Variants in RUFY1 observed in about 807,000 individuals in gnomAD.
The protein encoded by RUFY1 is RUN and FYVE domain containing 1.
Under a neutral mutation model 94.6 loss-of-function variants are expected in RUFY1, and 54 were observed. The observed-to-expected ratio is 0.57, with a 90% CI of 0.46 to 0.72. The LOEUF (loss-of-function observed/expected upper bound fraction) is 0.72, where lower values mean the gene tolerates loss of function less well. Ranked by LOEUF, RUFY1 falls within the 30% of genes least tolerant of loss-of-function variation. The pLI is 0.00. For missense variants in RUFY1, 883 were observed against 883.9 expected (o/e 1.00, Z 0.01); for synonymous variants, 396 against 347.3 (o/e 1.14, Z -1.56).
chr5:179,604,084 G>A (rs1366888546), intron 15 of RUFY1, among the ~76,000 whole-genome samples: 2 of 152,128 alleles, frequency 1.3e-5, no homozygotes, highest in Non-Finnish European at 2.9e-5. Context: ...ATGTATTGTT[G>A]CACTTTGTGG....
intron 15 of RUFY1, among the ~76,000 whole-genome samples, chr5:179,604,169 G>A (rs988868785): frequency 2.0e-5 from 3 of 152,204 alleles, no homozygotes; most frequent in Non-Finnish European, 2.9e-5. Flanking sequence ...CTCCCAGTGA[G>A]TGCTGTGGGT....
At chr5:179,608,960 G>T (rs1378461783) in intron 17 of RUFY1, among the ~76,000 whole-genome samples, 1 of 147,140 alleles carries the variant, frequency 6.8e-6, no homozygotes, top group Non-Finnish European at 1.5e-5. Flanking sequence ...TTTCACGCCT[G>T]TAATCCCAAC....
intron 3 of RUFY1, among the ~76,000 whole-genome samples, chr5:179,565,968 C>G (rs898534471): frequency 3.3e-5 from 5 of 151,918 alleles, no homozygotes; most frequent in African/African-American, 1.2e-4. Context: ...GTGGCAAAAC[C>G]CCATCTCTAC....
At chr5:179,555,697 G>C (rs1210954429) in intron 1 of RUFY1, 1 of 398,214 alleles carries the variant, frequency 2.5e-6, no homozygotes, top group South Asian at 1.7e-5. Flanking sequence ...GCGTGATCTC[G>C]GGTCACGGCA....
chr5:179,597,782 C>T (rs1352038934), intron 13 of RUFY1, among the ~76,000 whole-genome samples: 1 of 152,236 alleles, frequency 6.6e-6, no homozygotes, highest in African/African-American at 2.4e-5. Context: ...GGCGGTCCAG[C>T]AGTGCCCCCA....
intron 3 of RUFY1, 165 bp downstream of exon 3, chr5:179,562,829 C>T: frequency 1.8e-6 from 1 of 564,252 alleles, no homozygotes; most frequent in Non-Finnish European, 3.2e-6. Flanking sequence ...GCCTCAGTTT[C>T]CTTTTCTTTA....
chr5:179,591,736 C>T lies in RUFY1; in HGVS notation c.1240C>T (p.Arg414Trp), dbSNP rs781321513. 11 of 1,593,374 alleles carry T rather than the reference C, an allele frequency of 6.9e-6. No individual in the cohort carries two copies. Among genetic ancestry groups the T allele is most frequent in the South Asian group, 1.1e-5 (1 of 89,206 alleles). The part of the protein sequence containing the change: ...WKQLKEEKKV[R>W]LELEKELELQ... ...GCAGCTAAAAGAGGAGAAGAAAGTC[C>T]GGTTGGTGAGTGTGCAAGACCGAGT... The change falls in exon 10 of 18, where the codon CGG becomes TGG. Residue 414 changes from arginine (R) to tryptophan (W), a missense_variant. By Grantham distance (101) the Arg-to-Trp change is moderately radical. Coordinates refer to ENST00000319449, the MANE Select transcript of RUFY1 (RefSeq NM_025158.5).
intron 6 of RUFY1, among the ~76,000 whole-genome samples, chr5:179,578,177 T>G (rs1468056852): frequency 1.3e-5 from 2 of 152,148 alleles, no homozygotes; most frequent in Non-Finnish European, 2.9e-5. Flanking sequence ...CCCTTGGACT[T>G]GTTCTGTAAT....
At chr5:179,572,132 C>G (rs1354171322) in intron 5 of RUFY1, 1 of 258,302 alleles carries the variant, frequency 3.9e-6, no homozygotes, top group Non-Finnish European at 7.7e-6. Flanking sequence ...GTCTGTCCAG[C>G]CTTTACCGCC....
At chr5:179,587,801 G>T (rs1300812206) in intron 8 of RUFY1, among the ~76,000 whole-genome samples, 4 of 151,826 alleles carry the variant, frequency 2.6e-5, no homozygotes, top group Non-Finnish European at 5.9e-5. Context: ...GGAGGCCAAG[G>T]TGGAAGACTT....
chr5:179,594,305 A>G (rs79900914), intron 11 of RUFY1, among the ~76,000 whole-genome samples: 14,865 of 107,282 alleles, frequency 0.14, 766 homozygotes, highest in Middle Eastern at 0.19. Flanking sequence ...AACTCGGGGG[A>G]AAAAAAAAAA....
chr5:179,554,716 C>G (rs1331929577), intron 1 of RUFY1, among the ~76,000 whole-genome samples: 1 of 151,820 alleles, frequency 6.6e-6, no homozygotes, highest in Admixed American at 6.6e-5. Flanking sequence ...GCCTGTAATC[C>G]CAGCACTTTG....
intron 3 of RUFY1, among the ~76,000 whole-genome samples, chr5:179,564,067 C>T (rs953652407): frequency 2.0e-5 from 3 of 151,558 alleles, no homozygotes; most frequent in African/African-American, 4.8e-5. Flanking sequence ...CTGTCCAGCT[C>T]ACTCACTCCC....
intron 5 of RUFY1, among the ~76,000 whole-genome samples, chr5:179,571,516 A>C (rs542539967): frequency 0.012 from 1,804 of 152,096 alleles, 29 homozygotes; most frequent in African/African-American, 0.041. Context: ...AAAAAAAAAA[A>C]AAAACACCAA....
chr5:179,593,033 CTT>C (rs1184811190), intron 10 of RUFY1, among the ~76,000 whole-genome samples: 1 of 152,146 alleles, frequency 6.6e-6, no homozygotes, highest in East Asian at 1.9e-4. Flanking sequence ...CAGACAGACT[CTT>C]TTCAATCTCC....
chr5:179,591,410 G>T (rs546158209), intron 9 of RUFY1, among the ~76,000 whole-genome samples: 266 of 148,894 alleles, frequency 1.8e-3, no homozygotes, highest in Middle Eastern at 3.8e-3. Flanking sequence ...GGTCTCGATC[G>T]CCTGACCTCG....
At position 179,562,544 on chromosome 5, in the gene RUFY1, T is replaced by C. The variant is rs1457237498; in HGVS notation, c.485-3T>C. 1.9e-6 allele frequency: 3 copies of C among 1,567,202 alleles called. No homozygotes were observed. On this transcript the variant is annotated splice_region_variant and splice_polypyrimidine_tract_variant and intron_variant, in intron 2 of 17. Coordinates refer to ENST00000319449, the MANE Select transcript of RUFY1 (RefSeq NM_025158.5). ...TGAATAACACTTTTGTTTTTCCTTT[T>C]AGTTAAGAAGAGTTTTATTGGCCAA...
chr5:179,565,884 A>G (rs1049146775), intron 3 of RUFY1, among the ~76,000 whole-genome samples: 2 of 152,148 alleles, frequency 1.3e-5, no homozygotes, highest in South Asian at 2.1e-4. Context: ...GCTCACGCCT[A>G]TAATCCCAAC....
intron 3 of RUFY1, among the ~76,000 whole-genome samples, chr5:179,566,912 G>A (rs1762871551): frequency 1.3e-5 from 2 of 151,966 alleles, no homozygotes; most frequent in African/African-American, 2.4e-5. Context: ...AAATTAGCCA[G>A]GTGTGGTGAT....
Sources: allele counts gnomAD v4.1 joint callset (sites outside exome capture counted in the v4.1 genomes callset), GRCh38; gene constraint gnomAD v4.1.1; transcripts MANE v1.5; gene names NCBI Gene and HGNC (gene_info 2026-07-23, HGNC 2026-07-21).